DYNC1I2: variants seen among roughly 807,000 people sequenced by gnomAD.
DYNC1I2 encodes dynein cytoplasmic 1 intermediate chain 2, also known as cytoplasmic dynein 1 intermediate chain 2.
In DYNC1I2, 53 loss-of-function variants were observed where a neutral mutation model predicts 88.6. The observed-to-expected ratio is 0.60, with a 90% confidence interval of 0.48 to 0.75. The LOEUF (loss-of-function observed/expected upper bound fraction) is 0.75. Among genes scored for constraint, DYNC1I2 ranks in the 30% least tolerant of loss-of-function variants. DYNC1I2 has a pLI of 0.00. For synonymous variants in DYNC1I2, 198 were observed against 254.6 expected, an observed-to-expected ratio of 0.78 and a Z score of 2.12; for missense variants, 458 against 766.6, an observed-to-expected ratio of 0.60 and a Z score of 4.75.
At position 171,726,789 on chromosome 2, in the gene DYNC1I2, A is replaced by G. The variant is rs755338560; in HGVS notation, c.871-2A>G. On this transcript the variant is annotated splice_acceptor_variant, in intron 10 of 17. Transcript: ENST00000397119. LOFTEE classifies it high-confidence loss of function. Reference sequence around the variant, plus strand: ...TCTTTTCTTCTTGATTCTTCTGAGCAGTATCCGGAGTTACTCGTGGCTTCC... The same window carrying G: ...TCTTTTCTTCTTGATTCTTCTGAGCGGTATCCGGAGTTACTCGTGGCTTCC... The G allele has an allele frequency of 3.1e-6, 5 of 1,612,600 alleles. No individual in the cohort carries two copies. The highest frequency in any genetic ancestry group is 4.2e-6 in the Non-Finnish European group (5 of 1,179,142).
rs557903276 is a variant in DYNC1I2, at chr2:171,695,042, C to T, written c.226+2148C>T. Among the ~76,000 whole-genome samples, 11 of 152,234 alleles carry T rather than the reference C, an allele frequency of 7.2e-5. 2 individuals carry two copies. Among genetic ancestry groups the T allele is most frequent in the African/African-American group, 2.6e-4 (11 of 41,576 alleles). On this transcript the variant is annotated intron_variant, in intron 3 of 17. Coordinates refer to ENST00000397119, the MANE Select transcript of DYNC1I2 (RefSeq NM_001378.3). Reference sequence around the variant, plus strand: ...CATTTCTCATCTCTAATTCCATTCTCATTCCCACTAATGCATTAAGTGACC... The same window carrying T: ...CATTTCTCATCTCTAATTCCATTCTTATTCCCACTAATGCATTAAGTGACC...
intron 7 of DYNC1I2, among the ~76,000 whole-genome samples, chr2:171,719,920 TGTG>T (rs1348682216): frequency 1.3e-5 from 2 of 152,214 alleles, no homozygotes; most frequent in Non-Finnish European, 2.9e-5. Flanking sequence ...TTGGCAAGAA[TGTG>T]GTGCCCACAG....
At chr2:171,709,006 A>G (rs1686901327) in intron 5 of DYNC1I2, among the ~76,000 whole-genome samples, 1 of 152,148 alleles carries the variant, frequency 6.6e-6, no homozygotes, top group Non-Finnish European at 1.5e-5. Flanking sequence ...ATTCCTTTAG[A>G]CAATTAATAA....
At chr2:171,701,744 G>A (rs1686274300) in intron 3 of DYNC1I2, among the ~76,000 whole-genome samples, 1 of 152,062 alleles carries the variant, frequency 6.6e-6, no homozygotes, top group Non-Finnish European at 1.5e-5. Context: ...TAAGACAGTG[G>A]GGAAGGTAGC....
chr2:171,728,027 C>A, intron 12 of DYNC1I2, 60 bp downstream of exon 12: 1 of 1,538,348 alleles, frequency 6.5e-7, no homozygotes, highest in Non-Finnish European at 8.8e-7. Context: ...AGCTATAATA[C>A]TTAGTAGTGG....
At chr2:171,712,629 T>C in intron 5 of DYNC1I2, 138 bp from the exon 6 acceptor site, 1 of 615,496 alleles carries the variant, frequency 1.6e-6, no homozygotes, top group East Asian at 2.7e-5. Context: ...TTTCGATTTT[T>C]TTTTTTTAAT....
intron 10 of DYNC1I2, 94 bp downstream of exon 10, chr2:171,726,387 A>T: frequency 2.4e-6 from 2 of 833,286 alleles, no homozygotes; most frequent in South Asian, 3.8e-5. Context: ...TGTATAATAA[A>T]TCAATATGTG....
chr2:171,749,205 T>G lies in DYNC1I2; in HGVS notation c.*1316T>G, dbSNP rs1689969950. On this transcript the variant is annotated 3_prime_UTR_variant, in exon 18 of 18. Transcript: ENST00000397119. The stretch of plus-strand genomic sequence containing the variant: ...ATTGGCCCCAAACTCTGATTCTTGC[T>G]GAAGCATCTATGAGAAGTGTGATTT... Among the ~76,000 whole-genome samples, 1 of 152,184 alleles carries G rather than the reference T, an allele frequency of 6.6e-6. No homozygotes were observed.
chr2:171,737,745 A>G (rs889510187), intron 15 of DYNC1I2, among the ~76,000 whole-genome samples: 1 of 150,942 alleles, frequency 6.6e-6, no homozygotes, highest in African/African-American at 2.4e-5. Context: ...GTAATCTTTT[A>G]CCCAGTTACA....
At chr2:171,717,224 C>G (rs1559383675) in intron 7 of DYNC1I2, among the ~76,000 whole-genome samples, 2 of 150,326 alleles carry the variant, frequency 1.3e-5, no homozygotes, top group Non-Finnish European at 3.0e-5. Context: ...CTCAGTTCTC[C>G]CACCTCAGCT....
At chr2:171,738,973 A>AC (rs1224888844) in intron 15 of DYNC1I2, among the ~76,000 whole-genome samples, 2 of 152,218 alleles carry the variant, frequency 1.3e-5, no homozygotes, top group East Asian at 3.9e-4. Context: ...ACATGGTGAA[A>AC]CCCCATCTCT....
rs1559410952 is a variant in DYNC1I2 at position 171,744,205 on chromosome 2, A to C, written c.1677+16A>C. ...TGACACAGAGGTGAGCAGGAAAATAACAAAAATTGCATTGAAAAATAGAAA... is the reference window on the plus strand; with the variant it reads ...TGACACAGAGGTGAGCAGGAAAATACCAAAAATTGCATTGAAAAATAGAAA... On this transcript the variant is annotated intron_variant, in intron 16 of 17. Coordinates refer to ENST00000397119, the MANE Select transcript of DYNC1I2 (RefSeq NM_001378.3). 1 of 1,567,736 alleles carries C rather than the reference A, an allele frequency of 6.4e-7. No individual in the cohort carries two copies. The highest frequency in any genetic ancestry group is 2.3e-5 in the East Asian group (1 of 44,206).
intron 3 of DYNC1I2, among the ~76,000 whole-genome samples, chr2:171,701,673 G>T (rs990036476): frequency 6.6e-6 from 1 of 152,154 alleles, no homozygotes; most frequent in Non-Finnish European, 1.5e-5. Context: ...ATTGGCTATA[G>T]AAAGGTTTTG....
chr2:171,715,105 A>AAAT (rs1687395453), intron 6 of DYNC1I2, among the ~76,000 whole-genome samples: 1 of 152,222 alleles, frequency 6.6e-6, no homozygotes, highest in Admixed American at 6.5e-5. Flanking sequence ...TGCCTTTTTA[A>AAAT]AATGAAAATA....
At chr2:171,719,215 C>A (rs1687739001) in intron 7 of DYNC1I2, among the ~76,000 whole-genome samples, 2 of 151,796 alleles carry the variant, frequency 1.3e-5, no homozygotes, top group Non-Finnish European at 2.9e-5. Flanking sequence ...TATCCTTAAC[C>A]CTTTGGAAAT....
At chr2:171,696,544 A>G (rs1003623251) in intron 3 of DYNC1I2, among the ~76,000 whole-genome samples, 16 of 152,144 alleles carry the variant, frequency 1.1e-4, no homozygotes, top group Admixed American at 2.0e-4. Flanking sequence ...ATATTCTTCT[A>G]TGTTTTTCCT....
Position 171,728,024 on chromosome 2 carries a change from A to G in DYNC1I2, c.1143+57A>G, listed in dbSNP as rs1688360444. On this transcript the variant is annotated intron_variant, in intron 12 of 17. Transcript: ENST00000397119. ...CTGTGCTCCTTCATCCTTAGCTATA[A>G]TACTTAGTAGTGGCCATCAGAGTCA... The G allele has an allele frequency of 9.5e-6, 15 of 1,571,110 alleles. No individual in the cohort carries two copies. The Middle Eastern group carries it at 5.1e-4, about 53-fold the overall frequency.
In DYNC1I2 at chr2:171,715,447, A is replaced by C. The variant is rs1687421321; in HGVS notation, c.511+4A>C. ...GTTATGGCTCAACCCAAAGAAGGTG[A>C]ATATCTATCCTTAGTATAATTGTCA... is the stretch of plus-strand genomic sequence containing the variant. On this transcript the variant is annotated splice_donor_region_variant and intron_variant, in intron 7 of 17. Transcript: ENST00000397119. The C allele has an allele frequency of 1.3e-6, 2 of 1,524,312 alleles. No individual in the cohort carries two copies. Among genetic ancestry groups the C allele is most frequent in the Non-Finnish European group, 1.8e-6 (2 of 1,118,214 alleles). 94.4% of individuals were successfully genotyped at this position (1,524,312 alleles called of 1,614,324 possible).
intron 15 of DYNC1I2, among the ~76,000 whole-genome samples, chr2:171,743,371 C>T (rs1689577683): frequency 6.6e-6 from 1 of 152,148 alleles, no homozygotes; most frequent in African/African-American, 2.4e-5. Context: ...ATAAGTGGAT[C>T]TCTGCAGTTC....
Sources: gnomAD v4.1 joint callset for allele counts (sites outside exome capture counted in the v4.1 genomes callset) on GRCh38, gnomAD v4.1.1 for gene constraint, MANE v1.5 for transcripts, NCBI Gene and HGNC (gene_info 2026-07-23, HGNC 2026-07-21) for gene names.